Variants in NBR1 observed in about 807,000 individuals in gnomAD.
The protein encoded by NBR1 is NBR1 autophagy cargo receptor, also known as next to BRCA1 gene 1 protein.
Under a neutral mutation model 115.5 loss-of-function variants are expected in NBR1, and 59 were observed. The observed-to-expected ratio is 0.51, with a 90% CI of 0.41 to 0.63. NBR1 has a LOEUF of 0.63. Ranked by LOEUF, NBR1 falls within the 30% of genes least tolerant of loss-of-function variation. The pLI is 0.00. For missense variants in NBR1, 1,043 were observed against 1,150.5 expected (o/e 0.91, Z 1.35); for synonymous variants, 373 against 414.7 (o/e 0.90, Z 1.22).
chr17:43,200,897 C>G (rs1256761205), intron 17 of NBR1, among the ~76,000 whole-genome samples: 1 of 125,608 alleles, frequency 8.0e-6, no homozygotes, highest in African/African-American at 3.1e-5. Flanking sequence ...GAGACAGGGT[C>G]TCAGTCTGTT....
At chr17:43,174,058 G>A (rs1035489099) in intron 1 of NBR1, among the ~76,000 whole-genome samples, 1 of 152,114 alleles carries the variant, frequency 6.6e-6, no homozygotes, top group Non-Finnish European at 1.5e-5. Context: ...TGTTAGGCAT[G>A]ATAATGATAT....
At position 43,209,951 on chromosome 17, in the gene NBR1, A is replaced by G. The variant is rs1273734361; in HGVS notation, c.2778A>G (p.Glu926=). 1.2e-6 allele frequency: 2 copies of G among 1,610,186 alleles called. No individual in the cohort carries two copies. Among genetic ancestry groups the G allele is most frequent in the South Asian group, 2.2e-5 (2 of 90,488 alleles). ...QTAALMAHLF[E]MGFCDRQLNL... is the part of the protein sequence containing the mutation. ...CAGCCCTGATGGCCCATCTCTTTGA[A>G]ATGGGATTCTGTGACAGGCAGCTGA... Residue 926 remains glutamate (E), a synonymous_variant, in exon 21 of 21, where the codon GAA becomes GAG. Coordinates refer to ENST00000590996, the MANE Select transcript of NBR1 (RefSeq NM_005899.5).
At chr17:43,177,627 G>A (rs1254438632) in intron 2 of NBR1, among the ~76,000 whole-genome samples, 3 of 132,394 alleles carry the variant, frequency 2.3e-5, no homozygotes, top group African/African-American at 3.3e-5. Flanking sequence ...ACACAGTTTG[G>A]TATTCTGATG....
intron 14 of NBR1, chr17:43,196,120 CAAAA>C (rs758789830): frequency 1.8e-4 from 20 of 114,056 alleles, no homozygotes; most frequent in Middle Eastern, 3.7e-3. Flanking sequence ...GACTGCATCT[CAAAA>C]AAAAAAAAAA....
At chr17:43,204,928 A>G (rs71379211) in intron 20 of NBR1, among the ~76,000 whole-genome samples, 46,053 of 151,948 alleles carry the variant, frequency 0.3, 7,543 homozygotes, top group South Asian at 0.49. Context: ...GTGAGCCACA[A>G]TGGAGCCACT....
At chr17:43,204,158 T>G (rs2057265776) in intron 20 of NBR1, among the ~76,000 whole-genome samples, 1 of 151,964 alleles carries the variant, frequency 6.6e-6, no homozygotes, top group Non-Finnish European at 1.5e-5. Context: ...CAGGATGGTC[T>G]CAATCTCGTG....
chr17:43,190,418 A>C, intron 8 of NBR1, 191 bp from the exon 9 acceptor site: 3 of 599,480 alleles, frequency 5.0e-6, no homozygotes, highest in Non-Finnish European at 8.9e-6. Flanking sequence ...TTTCATTTAA[A>C]ATGGATATGG....
At chr17:43,189,350 C>G (rs972659833) in intron 7 of NBR1, among the ~76,000 whole-genome samples, 1 of 152,168 alleles carries the variant, frequency 6.6e-6, no homozygotes, top group Non-Finnish European at 1.5e-5. Context: ...GGACAACTCT[C>G]TGCTTGAGAA....
intron 5 of NBR1, among the ~76,000 whole-genome samples, chr17:43,181,711 G>A (rs1219672946): frequency 2.0e-5 from 3 of 151,864 alleles, no homozygotes; most frequent in East Asian, 1.9e-4. Context: ...TTGGCCGGGT[G>A]CAGTGGCTCA....
In NBR1 at chr17:43,200,424, C is replaced by G; in HGVS notation, c.2284C>G (p.Arg762Gly). Residue 762 changes from arginine to glycine, a missense_variant, in exon 17 of 21, where the codon CGA (arginine) becomes GGA (glycine). Transcript: ENST00000590996. ...TGCGCTCTCACAGCCAGGCCTGGAG[C>G]GAGGTGCTGAAGGCAAGCCTGGGGT... The part of the protein sequence containing the change: ...SSALSQPGLE[R>G]GAEGKPGVEA... 1 of 1,610,122 alleles carries G rather than the reference C, an allele frequency of 6.2e-7. No homozygotes were observed. Among genetic ancestry groups the G allele is most frequent in the Non-Finnish European group, 8.5e-7 (1 of 1,178,222 alleles).
rs1399339856 is a variant in NBR1 at position 43,200,400 on chromosome 17, G to T, written c.2260G>T (p.Ala754Ser). The T allele has an allele frequency of 6.3e-7, 1 of 1,599,032 alleles. No individual in the cohort carries two copies. Among genetic ancestry groups the T allele is most frequent in the Admixed American group, 1.8e-5 (1 of 56,896 alleles). The stretch of plus-strand genomic sequence containing the variant: ...CCTGGGGGATTCTATGTACAGCTCT[G>T]CGCTCTCACAGCCAGGCCTGGAGCG... ...RPLGDSMYSS[A>S]LSQPGLERGA... The change falls in exon 17 of 21, where the codon GCG becomes TCG. Residue 754 changes from alanine to serine, a missense_variant. Ala to Ser is a moderately conservative substitution (Grantham distance 99). Transcript: ENST00000590996.
In NBR1 at chr17:43,201,792, C is replaced by T. The variant is rs367567748; in HGVS notation, c.2563+12C>T. ...TCAGATCAGAGGAGGTAATGATCAG[C>T]CTAAGCTTTTTCTCTTTTTCTCTGC... On this transcript the variant is annotated intron_variant, in intron 18 of 20. Transcript: ENST00000590996. 29 of 1,449,794 alleles carry T rather than the reference C, an allele frequency of 2.0e-5. No homozygotes were observed. In the East Asian group the frequency reaches 4.1e-4, roughly 20 times the overall value. 89.8% of individuals were successfully genotyped at this position (1,449,794 alleles called of 1,614,324 possible).
chr17:43,209,949 G>T lies in NBR1; in HGVS notation c.2776G>T (p.Glu926Ter). Reference sequence around the variant, plus strand: ...AGCAGCCCTGATGGCCCATCTCTTTGAAATGGGATTCTGTGACAGGCAGCT... The same window carrying T: ...AGCAGCCCTGATGGCCCATCTCTTTTAAATGGGATTCTGTGACAGGCAGCT... ...QTAALMAHLFEMGFCDRQLNL... is the reference protein window; with the variant it reads ...QTAALMAHLF Residue 926 changes from glutamate to a stop codon, truncating the protein, a stop_gained, in exon 21 of 21, where the codon GAA becomes TAA. Transcript: ENST00000590996. LOFTEE classifies it high-confidence loss of function. 1.3e-6 allele frequency: 2 copies of T among 1,596,846 alleles called. No individual in the cohort carries two copies. Among genetic ancestry groups the T allele is most frequent in the South Asian group, 2.2e-5 (2 of 89,916 alleles).
chr17:43,180,873 G>T (rs572381155), intron 5 of NBR1, 56 bp downstream of exon 5: 329 of 1,317,676 alleles, frequency 2.5e-4, no homozygotes, highest in Non-Finnish European at 3.0e-4. Flanking sequence ...TTATGGGTTG[G>T]TTTTTTTTCT....
chr17:43,190,503 A>T, intron 8 of NBR1, 106 bp from the exon 9 acceptor site: 1 of 1,228,312 alleles, frequency 8.1e-7, no homozygotes. Context: ...TGCTCAGGTT[A>T]CCTGCTAGTT....
At chr17:43,176,030 AAATT>A in intron 2 of NBR1, 129 bp downstream of exon 2, 1 of 555,550 alleles carries the variant, frequency 1.8e-6, no homozygotes, top group Non-Finnish European at 3.2e-6. Flanking sequence ...GCCTTTTGGA[AAATT>A]GCTTTTGATA....
intron 19 of NBR1, 151 bp from the exon 20 acceptor site, chr17:43,203,530 T>TA (rs772977687): frequency 2.0e-5 from 11 of 551,138 alleles, no homozygotes; most frequent in African/African-American, 3.8e-5. Flanking sequence ...TCTGTAGCTA[T>TA]AAAGCTGATA....
At chr17:43,175,946 A>AT (rs1204962320) in intron 2 of NBR1, 45 bp downstream of exon 2, 2 of 1,130,000 alleles carry the variant, frequency 1.8e-6, no homozygotes, top group Non-Finnish European at 2.6e-6. Flanking sequence ...AAGCATGGTT[A>AT]TTTTTTCCAA....
Position 43,189,071 on chromosome 17 carries a change from C to T in NBR1, c.432C>T (p.Asp144=). The T allele has an allele frequency of 6.2e-7, 1 of 1,612,828 alleles. No individual in the cohort carries two copies. Residue 144 remains aspartate (D), a synonymous_variant, in exon 7 of 21, where the codon GAC becomes GAT. Transcript: ENST00000590996. ...QSFPLVPCDT[D]QPQDKPPDWF... ...TTCCACTTGTTCCATGTGACACAGA[C>T]CAGCCTCAAGACAAGCCCCCAGACT...
Sources: allele counts gnomAD v4.1 joint callset (sites outside exome capture counted in the v4.1 genomes callset), GRCh38; gene constraint gnomAD v4.1.1; transcripts MANE v1.5; gene names NCBI Gene and HGNC (gene_info 2026-07-23, HGNC 2026-07-21).